The following GTF3C3 variants were observed in gnomAD, a reference collection of about 807,000 sequenced individuals.
GTF3C3 encodes general transcription factor IIIC subunit 3, also known as general transcription factor 3C polypeptide 3.
Under a neutral mutation model 105.2 loss-of-function variants are expected in GTF3C3, and 75 were observed. The observed-to-expected ratio is 0.71, with a 90% CI of 0.59 to 0.86. The LOEUF is 0.86. Ranked by LOEUF, GTF3C3 falls within the 40% of genes least tolerant of loss-of-function variation. The pLI, the probability that GTF3C3 is intolerant of heterozygous loss-of-function variation, is 0.00. For missense variants in GTF3C3, 856 were observed against 1,076.5 expected (o/e 0.80, Z 2.87); for synonymous variants, 335 against 370.4 (o/e 0.90, Z 1.10).
chr2:196,793,179 G>C (rs760118657), intron 2 of GTF3C3, 27 bp from the exon 3 acceptor site: 4 of 1,490,266 alleles, frequency 2.7e-6, no homozygotes, highest in Non-Finnish European at 3.7e-6. Flanking sequence ...TGATGGGGGA[G>C]GGGTGGGGAA....
At chr2:196,791,591 C>G (rs139309666) in intron 3 of GTF3C3, 131 bp from the exon 4 acceptor site, 16 of 696,580 alleles carry the variant, frequency 2.3e-5, no homozygotes, top group Non-Finnish European at 3.7e-5. Context: ...TTTTGCAACC[C>G]AGAACTAAAT....
At chr2:196,769,115 TATAGA>T (rs1439117270) in intron 16 of GTF3C3, among the ~76,000 whole-genome samples, 2 of 152,122 alleles carry the variant, frequency 1.3e-5, no homozygotes, top group Non-Finnish European at 2.9e-5. Flanking sequence ...AAAAACTTAT[TATAGA>T]AATTTTCAAA....
chr2:196,785,379 A>C, intron 7 of GTF3C3, 62 bp downstream of exon 7: 2 of 1,373,514 alleles, frequency 1.5e-6, no homozygotes, highest in Non-Finnish European at 2.0e-6. Context: ...CCAATTTTTA[A>C]GAATTTCCAG....
chr2:196,789,949 T>C lies in GTF3C3; in HGVS notation c.657A>G (p.Glu219=), dbSNP rs772997870. The C allele has an allele frequency of 1.2e-6, 2 of 1,613,392 alleles. No individual in the cohort carries two copies. The highest frequency in any genetic ancestry group is 1.7e-5 in the Admixed American group (1 of 59,988). ...GAGACATTTCTGCCAGTCTAACCCATTCTTCTGTGTCACTGGGATTTAAAT... is the reference window on the plus strand; with the variant it reads ...GAGACATTTCTGCCAGTCTAACCCACTCTTCTGTGTCACTGGGATTTAAAT... ...AAHLNPSDTE[E]WVRLAEMSLE... Residue 219 remains glutamate, a synonymous_variant, in exon 5 of 18, where the codon GAA becomes GAG. Coordinates refer to ENST00000263956, the MANE Select transcript of GTF3C3 (RefSeq NM_012086.5).
Position 196,776,127 on chromosome 2 carries a change from C to T in GTF3C3, c.1594-16G>A. 4 of 1,280,776 alleles carry T rather than the reference C, an allele frequency of 3.1e-6. No homozygotes were observed. The highest frequency in any genetic ancestry group is 4.4e-6 in the Non-Finnish European group (4 of 899,718). 79.3% of individuals were successfully genotyped at this position (1,280,776 alleles called of 1,614,324 possible). On this transcript the variant is annotated splice_polypyrimidine_tract_variant and intron_variant, in intron 11 of 17. Transcript: ENST00000263956. The surrounding 1 kb of genome is among the most constrained non-coding windows in gnomAD (Gnocchi z 4.5). ...ACTTCAGTTCCTAAACAAATAAGCA[C>T]ATGATGATGAGCCTAACAAGATTCC... is the stretch of plus-strand genomic sequence containing the variant.
In GTF3C3 at chr2:196,763,806, T is replaced by G. The variant is rs1699011929; in HGVS notation, c.*757A>C. On this transcript the variant is annotated 3_prime_UTR_variant, in exon 18 of 18. Transcript: ENST00000263956. ...AGTAAACAAACAAAAAAAAAGTTTT[T>G]TACTTTATCAATCAGCAGTATGTCC... 1 of 152,240 alleles carries G rather than the reference T, an allele frequency of 6.6e-6. No homozygotes were observed. Among genetic ancestry groups the G allele is most frequent in the South Asian group, 2.1e-4 (1 of 4,820 alleles). The allele number at this position is 152,240 out of a possible 1,614,324, so 9.4% of individuals were successfully genotyped here.
chr2:196,781,342 GAAAAA>G (rs769914255), intron 8 of GTF3C3, among the ~76,000 whole-genome samples: 23 of 31,450 alleles, frequency 7.3e-4, no homozygotes, highest in South Asian at 4.5e-3. Context: ...ATGTTAAGGG[GAAAAA>G]AAAAAAAAAA....
At chr2:196,796,685 C>A (rs189327261) in intron 2 of GTF3C3, among the ~76,000 whole-genome samples, 125 of 152,262 alleles carry the variant, frequency 8.2e-4, no homozygotes, top group Non-Finnish European at 1.5e-3. Context: ...ATCCAAAAGG[C>A]CCCAGTGTCT....
chr2:196,789,363 T>G lies in GTF3C3; in HGVS notation c.734A>C (p.Lys245Thr). The change falls in exon 6 of 18, where the codon AAA (lysine) becomes ACA (threonine). Residue 245 changes from lysine (K) to threonine (T), a missense_variant. Lys to Thr is a moderately conservative substitution (Grantham distance 78, BLOSUM62 -1). Coordinates refer to ENST00000263956, the MANE Select transcript of GTF3C3 (RefSeq NM_012086.5). ...QAIFCYTKAL[K>T]YEPTNVRYLW... ...ATAACGGACATTAGTAGGTTCATAT[T>G]TAAGAGCTAAAAAGAAAGAAATACA... 3 of 1,586,742 alleles carry G rather than the reference T, an allele frequency of 1.9e-6. No homozygotes were observed. Among genetic ancestry groups the G allele is most frequent in the Non-Finnish European group, 2.6e-6 (3 of 1,166,920 alleles).
intron 1 of GTF3C3, among the ~76,000 whole-genome samples, chr2:196,798,973 G>C (rs1263512005): frequency 2.0e-5 from 3 of 151,880 alleles, no homozygotes; most frequent in Non-Finnish European, 4.4e-5. Context: ...AGTAAGTTCA[G>C]ATATTTCTAA....
intron 8 of GTF3C3, among the ~76,000 whole-genome samples, chr2:196,782,445 T>C (rs1283289597): frequency 6.6e-6 from 1 of 152,262 alleles, no homozygotes; most frequent in Non-Finnish European, 1.5e-5. Context: ...AAATACTTTA[T>C]ATCTCGGCAT....
Position 196,763,809 on chromosome 2 carries a change from CT to C in GTF3C3, c.*753del, listed in dbSNP as rs1386752169. The C allele has an allele frequency of 6.6e-6, 1 of 152,108 alleles. No homozygotes were observed. The highest frequency in any genetic ancestry group is 1.5e-5 in the Non-Finnish European group (1 of 68,008). The allele number at this position is 152,108 out of a possible 1,614,324, so 9.4% of individuals were successfully genotyped here. ...AAACAAACAAAAAAAAAGTTTTTTA[CT>C]TTATCAATCAGCAGTATGTCCTTTA... On this transcript the variant is annotated 3_prime_UTR_variant, in exon 18 of 18. Coordinates refer to ENST00000263956, the MANE Select transcript of GTF3C3 (RefSeq NM_012086.5).
rs372193979 is a variant in GTF3C3 at position 196,769,025 on chromosome 2, GA to G, written c.2385+889del. Among the ~76,000 whole-genome samples, 17 of 152,078 alleles carry G rather than the reference GA, an allele frequency of 1.1e-4. No individual in the cohort carries two copies. In the East Asian group the frequency reaches 2.1e-3, roughly 19 times the overall value. On this transcript the variant is annotated intron_variant, in intron 16 of 17. Transcript: ENST00000263956. ...ACAGCAAATAGTATCCATTAAGGAA[GA>G]AAAAGAAGCTTTGAGGAAAAGGTAG...
At chr2:196,770,633 C>T (rs533035250) in intron 15 of GTF3C3, among the ~76,000 whole-genome samples, 1 of 151,988 alleles carries the variant, frequency 6.6e-6, no homozygotes, top group Non-Finnish European at 1.5e-5. Context: ...TGTCAAAAGC[C>T]TAATCATATG....
Position 196,780,574 on chromosome 2 carries a change from A to G in GTF3C3, c.1203T>C (p.Ile401=). ...KLMVCLVHLN[I]LEPLNPLLTT... ...TGTTACATACATTAAGTGGTTCAAGAATGTTGAGATGTACAAGGCAGACCA... is the reference window on the plus strand; with the variant it reads ...TGTTACATACATTAAGTGGTTCAAGGATGTTGAGATGTACAAGGCAGACCA... Residue 401 remains isoleucine (I), a synonymous_variant, in exon 9 of 18, where the codon ATT becomes ATC. Transcript: ENST00000263956. 2 of 1,613,354 alleles carry G rather than the reference A, an allele frequency of 1.2e-6. No individual in the cohort carries two copies. Among genetic ancestry groups the G allele is most frequent in the South Asian group, 2.2e-5 (2 of 91,010 alleles).
chr2:196,782,414 G>A (rs1699382586), intron 8 of GTF3C3, among the ~76,000 whole-genome samples: 1 of 152,178 alleles, frequency 6.6e-6, no homozygotes, highest in Non-Finnish European at 1.5e-5. Context: ...TTAACTTTCA[G>A]CAAGAAAATT....
At chr2:196,769,527 TG>T (rs1699132565) in intron 16 of GTF3C3, among the ~76,000 whole-genome samples, 1 of 150,824 alleles carries the variant, frequency 6.6e-6, no homozygotes, top group Non-Finnish European at 1.5e-5. Flanking sequence ...GACAGTTTGT[TG>T]GTGATGGTGT....
rs1559306075 is a variant in GTF3C3 at position 196,793,005 on chromosome 2, A to G, written c.362T>C (p.Val121Ala). 3 of 1,614,048 alleles carry G rather than the reference A, an allele frequency of 1.9e-6. No homozygotes were observed. Among genetic ancestry groups the G allele is most frequent in the Non-Finnish European group, 2.5e-6 (3 of 1,179,972 alleles). The change falls in exon 3 of 18, where the codon GTA becomes GCA. Residue 121 changes from valine to alanine, a missense_variant. Coordinates refer to ENST00000263956, the MANE Select transcript of GTF3C3 (RefSeq NM_012086.5). ...ATTGAGAACCATCTCCAATACAAATACATCGCCCGCAGTGGGTTGCTCAGG... is the reference window on the plus strand; with the variant it reads ...ATTGAGAACCATCTCCAATACAAATGCATCGCCCGCAGTGGGTTGCTCAGG... ...ETPEQPTAGD[V>A]FVLEMVLNRE...
chr2:196,781,638 A>ATTG (rs1368717863), intron 8 of GTF3C3, among the ~76,000 whole-genome samples: 1 of 151,858 alleles, frequency 6.6e-6, no homozygotes, highest in African/African-American at 2.4e-5. Flanking sequence ...ATCTCTCATG[A>ATTG]ACACTGAGGG....
Sources: allele counts gnomAD v4.1 joint callset (sites outside exome capture counted in the v4.1 genomes callset), GRCh38; gene constraint gnomAD v4.1.1; non-coding constraint Gnocchi (gnomAD v3.1); transcripts MANE v1.5; gene names NCBI Gene and HGNC (gene_info 2026-07-23, HGNC 2026-07-21).